LCLAT1: variants seen among roughly 807,000 people sequenced by gnomAD.
LCLAT1 encodes 1-AGP acyltransferase 8.
LCLAT1 carries 11 observed loss-of-function variants against 30.7 expected under a neutral mutation model. The ratio of observed to expected loss-of-function variants is 0.36; its 90% CI spans 0.23 to 0.59. The LOEUF (loss-of-function observed/expected upper bound fraction) is 0.59, where lower values mean the gene tolerates loss of function less well. Among genes scored for constraint, LCLAT1 ranks in the 20% least tolerant of loss-of-function variants. LCLAT1 has a pLI of 0.77. For synonymous variants in LCLAT1, 155 were observed against 151.3 expected (o/e 1.02, Z -0.18); for missense variants, 402 against 458.6 (o/e 0.88, Z 1.13).
At chr2:30,476,630 A>G (rs188698268) in intron 1 of LCLAT1, 2 of 420,974 alleles carry the variant, frequency 4.8e-6, no homozygotes, top group Non-Finnish European at 9.4e-6. Flanking sequence ...CGATTCTACC[A>G]TTATGGTGAG....
intron 5 of LCLAT1, among the ~76,000 whole-genome samples, chr2:30,593,413 CTG>C (rs2148480829): frequency 6.6e-6 from 1 of 152,258 alleles, no homozygotes; most frequent in African/African-American, 2.4e-5. Flanking sequence ...ATCTATGCAT[CTG>C]TTTTTCTAGC....
chr2:30,530,686 T>C (rs1685939455), intron 2 of LCLAT1, among the ~76,000 whole-genome samples: 1 of 152,170 alleles, frequency 6.6e-6, no homozygotes, highest in South Asian at 2.1e-4. Context: ...GCTAAGGCTC[T>C]GGGCATGTTC....
chr2:30,509,212 A>G (rs1684821967), intron 1 of LCLAT1, among the ~76,000 whole-genome samples: 1 of 152,214 alleles, frequency 6.6e-6, no homozygotes, highest in South Asian at 2.1e-4. Flanking sequence ...GTCATCTGCA[A>G]ACAGGGATAG....
chr2:30,599,888 G>C (rs1667099764), intron 5 of LCLAT1, among the ~76,000 whole-genome samples: 1 of 152,010 alleles, frequency 6.6e-6, no homozygotes, highest in South Asian at 2.1e-4. Flanking sequence ...GCCATTTTGT[G>C]TCTTTTAATT....
At chr2:30,606,286 C>T in intron 5 of LCLAT1, 1 of 309,944 alleles carries the variant, frequency 3.2e-6, no homozygotes. Context: ...CCAAGACAAT[C>T]TTAAGCAAAA....
At chr2:30,537,135 A>G (rs896542424) in intron 3 of LCLAT1, among the ~76,000 whole-genome samples, 1 of 151,840 alleles carries the variant, frequency 6.6e-6, no homozygotes, top group Non-Finnish European at 1.5e-5. Flanking sequence ...TAATCCCAGC[A>G]CTTTGGGAGG....
intron 3 of LCLAT1, among the ~76,000 whole-genome samples, chr2:30,534,742 G>A (rs1157491738): frequency 2.0e-5 from 3 of 152,280 alleles, no homozygotes; most frequent in East Asian, 3.9e-4. Flanking sequence ...CCTAGCCTTA[G>A]AATTCAAACA....
At chr2:30,505,328 CTTT>C (rs3061277) in intron 1 of LCLAT1, among the ~76,000 whole-genome samples, 3,043 of 138,262 alleles carry the variant, frequency 0.022, 57 homozygotes, top group African/African-American at 0.059. Context: ...AGGGGCAAAA[CTTT>C]TTTTTTTTTT....
rs146769663 is a variant in LCLAT1 at position 30,519,639 on chromosome 2, C to T, written c.-4-5948C>T. Among the ~76,000 whole-genome samples the T allele has an allele frequency of 9.3e-3, 1,418 of 152,254 alleles. 24 individuals carry two copies. Among genetic ancestry groups the T allele is most frequent in the African/African-American group, 0.032 (1,329 of 41,540 alleles). On this transcript the variant is annotated intron_variant, in intron 1 of 5. Coordinates refer to ENST00000379509, the MANE Select transcript of LCLAT1 (RefSeq NM_001002257.3). The stretch of plus-strand genomic sequence containing the variant: ...GACCAGTCAGGTAGTAAAGAGAGCT[C>T]ACTAAAATGCCCATTAGGCTAAAAG...
intron 3 of LCLAT1, among the ~76,000 whole-genome samples, chr2:30,554,465 A>G (rs1457100201): frequency 6.6e-6 from 1 of 152,256 alleles, no homozygotes; most frequent in Non-Finnish European, 1.5e-5. Context: ...TGATTTAAAA[A>G]TATCAAGTCT....
intron 5 of LCLAT1, among the ~76,000 whole-genome samples, chr2:30,636,312 G>T (rs929045313): frequency 6.6e-6 from 1 of 152,182 alleles, no homozygotes; most frequent in Non-Finnish European, 1.5e-5. Context: ...CAGTGGTATG[G>T]AGATAGTATT....
chr2:30,631,006 C>T (rs771633021), intron 5 of LCLAT1, among the ~76,000 whole-genome samples: 43 of 152,298 alleles, frequency 2.8e-4, no homozygotes, highest in Middle Eastern at 3.4e-3. Flanking sequence ...TTAACTCCCA[C>T]CAGTTGATAC....
At chr2:30,497,865 G>A (rs746679803) in intron 1 of LCLAT1, among the ~76,000 whole-genome samples, 6 of 152,134 alleles carry the variant, frequency 3.9e-5, no homozygotes, top group Non-Finnish European at 2.9e-5. Flanking sequence ...ACAATATATG[G>A]TATTTTTCTC....
chr2:30,463,338 A>G (rs1007372081), intron 1 of LCLAT1, among the ~76,000 whole-genome samples: 7 of 152,214 alleles, frequency 4.6e-5, no homozygotes, highest in African/African-American at 1.7e-4. Context: ...CATGGTTTCT[A>G]TTAATATATA....
chr2:30,475,634 T>C (rs1038117831), intron 1 of LCLAT1, among the ~76,000 whole-genome samples: 4 of 152,238 alleles, frequency 2.6e-5, no homozygotes, highest in Non-Finnish European at 4.4e-5. Flanking sequence ...TAAATTGGCA[T>C]GCCTGTTTTA....
At chr2:30,495,053 C>T (rs1011676685) in intron 1 of LCLAT1, among the ~76,000 whole-genome samples, 6 of 150,414 alleles carry the variant, frequency 4.0e-5, no homozygotes, top group Non-Finnish European at 8.9e-5. Flanking sequence ...TTGTCAGTTC[C>T]TATTATAAGA....
intron 1 of LCLAT1, among the ~76,000 whole-genome samples, chr2:30,468,228 T>G (rs1682574203): frequency 6.6e-6 from 1 of 152,242 alleles, no homozygotes; most frequent in African/African-American, 2.4e-5. Flanking sequence ...CTTGTTTTTG[T>G]TAGGTTTGTC....
chr2:30,604,431 C>A (rs148202707), intron 5 of LCLAT1, among the ~76,000 whole-genome samples: 1 of 152,034 alleles, frequency 6.6e-6, no homozygotes, highest in East Asian at 1.9e-4. Context: ...GCCATATGGT[C>A]GCTTTCCAAA....
At chr2:30,586,158 G>A (rs1666425422) in intron 5 of LCLAT1, among the ~76,000 whole-genome samples, 1 of 151,258 alleles carries the variant, frequency 6.6e-6, no homozygotes, top group African/African-American at 2.4e-5. Context: ...GCAGGGGAAT[G>A]GCGTCAACCC....
Sources: allele counts gnomAD v4.1 joint callset (sites outside exome capture counted in the v4.1 genomes callset), GRCh38; gene constraint gnomAD v4.1.1; transcripts MANE v1.5; gene names NCBI Gene and HGNC (gene_info 2026-07-23, HGNC 2026-07-21).